The following GDA variants were observed in gnomAD, a reference collection of about 807,000 sequenced individuals.
The protein encoded by GDA is guanine deaminase.
Under a neutral mutation model 59.6 loss-of-function variants are expected in GDA, and 18 were observed. The ratio of observed to expected loss-of-function variants is 0.30; its 90% CI spans 0.21 to 0.45. The LOEUF (loss-of-function observed/expected upper bound fraction) is 0.45. Among genes scored for constraint, GDA ranks in the 20% least tolerant of loss-of-function variants. The pLI is 1.00. For synonymous variants in GDA, 201 were observed against 201.1 expected (o/e 1.00, Z 0.00); for missense variants, 427 against 552.3 (o/e 0.77, Z 2.27).
intron 3 of GDA, among the ~76,000 whole-genome samples, chr9:72,206,459 A>T (rs1294828163): frequency 1.3e-5 from 2 of 151,870 alleles, no homozygotes; most frequent in African/African-American, 4.8e-5. Context: ...CCAGTTTTTT[A>T]TTTTAACATC....
intron 1 of GDA, among the ~76,000 whole-genome samples, chr9:72,178,776 G>T (rs376614879): frequency 1.3e-5 from 2 of 152,186 alleles, no homozygotes; most frequent in Middle Eastern, 3.4e-3. Flanking sequence ...CCTGGTCCTC[G>T]CTGTAATCAA....
chr9:72,134,368 A>T (rs1000356925), intron 1 of GDA, among the ~76,000 whole-genome samples: 3 of 151,408 alleles, frequency 2.0e-5, no homozygotes, highest in Admixed American at 6.6e-5. Context: ...CTCTCCATAA[A>T]ACCTACTGTG....
At chr9:72,130,280 A>G (rs1031573882) in intron 1 of GDA, among the ~76,000 whole-genome samples, 11 of 152,230 alleles carry the variant, frequency 7.2e-5, no homozygotes, top group African/African-American at 2.7e-4. Context: ...AATATCTTTC[A>G]ATATCATTTA....
Position 72,202,697 on chromosome 9 carries a change from A to G in GDA, c.339A>G (p.Arg113=). The G allele has an allele frequency of 6.2e-7, 1 of 1,613,942 alleles. No homozygotes were observed. The highest frequency in any genetic ancestry group is 8.5e-7 in the Non-Finnish European group (1 of 1,179,918). Residue 113 remains arginine, a synonymous_variant, in exon 3 of 14, where the codon AGA becomes AGG. Transcript: ENST00000358399. The part of the protein sequence containing the change: ...LTKYTFPAEH[R]FQNIDFAEEV... Reference sequence around the variant, plus strand: ...AGTACACATTTCCTGCAGAACACAGATTCCAGAACATCGACTTTGCAGAAG... The same window carrying G: ...AGTACACATTTCCTGCAGAACACAGGTTCCAGAACATCGACTTTGCAGAAG...
intron 6 of GDA, among the ~76,000 whole-genome samples, chr9:72,220,335 A>C (rs530345444): frequency 6.6e-6 from 1 of 152,358 alleles, no homozygotes; most frequent in South Asian, 2.1e-4. Flanking sequence ...AAATAATGAA[A>C]TATTAATGAT....
At chr9:72,196,030 G>A (rs1833131521) in intron 2 of GDA, among the ~76,000 whole-genome samples, 1 of 152,154 alleles carries the variant, frequency 6.6e-6, no homozygotes, top group South Asian at 2.1e-4. Context: ...CTATTAAGAA[G>A]TAGGGAGGAA....
Position 72,149,553 on chromosome 9 carries a change from C to G in GDA, c.-7C>G. 6.2e-7 allele frequency: 1 copy of G among 1,609,460 alleles called. No individual in the cohort carries two copies. Among genetic ancestry groups the G allele is most frequent in the South Asian group, 1.1e-5 (1 of 90,926 alleles). On this transcript the variant is annotated 5_prime_UTR_variant, in exon 1 of 14. Transcript: ENST00000358399. ...CCAGCAGACCCGCGCTGCGCTCCGC[C>G]GCTGACATGTGTGCCGCTCAGATGC... is the stretch of plus-strand genomic sequence containing the variant.
intron 5 of GDA, among the ~76,000 whole-genome samples, chr9:72,216,586 T>C (rs1836147443): frequency 6.6e-6 from 1 of 152,178 alleles, no homozygotes; most frequent in South Asian, 2.1e-4. Context: ...AGGCCACACA[T>C]TGTATGATTT....
At chr9:72,232,253 GTGGT>G (rs1838446380) in intron 10 of GDA, among the ~76,000 whole-genome samples, 1 of 152,146 alleles carries the variant, frequency 6.6e-6, no homozygotes, top group African/African-American at 2.4e-5. Context: ...GTTGACACTG[GTGGT>G]TTTCATCACT....
upstream of GDA, among the ~76,000 whole-genome samples, chr9:72,146,869 C>T (rs1028178325): frequency 3.3e-5 from 5 of 152,106 alleles, no homozygotes; most frequent in African/African-American, 9.7e-5. Flanking sequence ...GATCCTGGGC[C>T]CAGGTACCTA....
At chr9:72,247,780 C>A (rs1421239829) in intron 13 of GDA, among the ~76,000 whole-genome samples, 1 of 152,188 alleles carries the variant, frequency 6.6e-6, no homozygotes, top group Non-Finnish European at 1.5e-5. Context: ...AGTCTCACCA[C>A]ACGTGCTGGT....
chr9:72,200,721 C>T (rs891693580), intron 2 of GDA, among the ~76,000 whole-genome samples: 1 of 152,216 alleles, frequency 6.6e-6, no homozygotes, highest in Non-Finnish European at 1.5e-5. Flanking sequence ...GTGACTGATA[C>T]CTGAGAGAAA....
At chr9:72,129,881 G>A (rs11998865) in intron 1 of GDA, among the ~76,000 whole-genome samples, 1 of 152,172 alleles carries the variant, frequency 6.6e-6, no homozygotes, top group Non-Finnish European at 1.5e-5. Flanking sequence ...AAAGTCCCAG[G>A]TTAGGTCAGA....
chr9:72,114,624 G>A (rs966125580), exon 1 of GDA: 1 of 151,142 alleles, frequency 6.6e-6, no homozygotes, highest in Non-Finnish European at 1.5e-5. Flanking sequence ...CTGAGTAGCC[G>A]GGACTACAGG....
downstream of GDA, among the ~76,000 whole-genome samples, chr9:72,254,380 G>A (rs1282671298): frequency 1.3e-5 from 2 of 151,944 alleles, no homozygotes; most frequent in African/African-American, 4.8e-5. Context: ...AAACTTTGTT[G>A]GGAAATTCTT....
At chr9:72,189,851 C>CA (rs370935355) in intron 1 of GDA, among the ~76,000 whole-genome samples, 3 of 151,384 alleles carry the variant, frequency 2.0e-5, no homozygotes, top group Non-Finnish European at 3.0e-5. Flanking sequence ...GAAAACAAAA[C>CA]AAAAAAAAGA....
chr9:72,183,324 C>T (rs1269009349), intron 1 of GDA, among the ~76,000 whole-genome samples: 1 of 152,140 alleles, frequency 6.6e-6, no homozygotes, highest in African/African-American at 2.4e-5. Context: ...TTCCACCTGC[C>T]TCCTTGACAC....
intron 1 of GDA, among the ~76,000 whole-genome samples, chr9:72,138,875 C>T (rs1826340454): frequency 6.6e-6 from 1 of 152,174 alleles, no homozygotes; most frequent in Non-Finnish European, 1.5e-5. Context: ...CTGGTAACAG[C>T]ACATTAAACA....
chr9:72,161,194 C>A (rs926673456), intron 1 of GDA, among the ~76,000 whole-genome samples: 1 of 152,124 alleles, frequency 6.6e-6, no homozygotes, highest in African/African-American at 2.4e-5. Context: ...AGGCGTGAGC[C>A]ACCGCCCCGG....
Sources: allele counts gnomAD v4.1 joint callset (sites outside exome capture counted in the v4.1 genomes callset), GRCh38; gene constraint gnomAD v4.1.1; transcripts MANE v1.5; gene names NCBI Gene and HGNC (gene_info 2026-07-23, HGNC 2026-07-21).